DISC1: variants seen among roughly 807,000 people sequenced by gnomAD.
DISC1 encodes the protein DISC1 scaffold protein.
A neutral mutation model predicts 84.5 loss-of-function variants in DISC1; 57 were observed. The ratio of observed to expected loss-of-function variants is 0.67; its 90% CI spans 0.55 to 0.84. The LOEUF is 0.84. Among genes scored for constraint, DISC1 ranks in the 40% least tolerant of loss-of-function variants. The probability of loss-of-function intolerance (pLI) is 0.00; values close to 1 mark genes in which losing one functional copy is unlikely to be tolerated. For synonymous variants in DISC1, 411 were observed against 415.2 expected, an observed-to-expected ratio of 0.99 and a Z score of 0.12; for missense variants, 1,000 against 1,057.8, an observed-to-expected ratio of 0.95 and a Z score of 0.76.
chr1:231,859,273 A>G (rs367914229), intron 9 of DISC1, among the ~76,000 whole-genome samples: 1 of 152,038 alleles, frequency 6.6e-6, no homozygotes, highest in African/African-American at 2.4e-5. Flanking sequence ...ATCTTAGTCT[A>G]TTTGGGCTGC....
chr1:231,998,875 A>T (rs188725277), intron 10 of DISC1, among the ~76,000 whole-genome samples: 15 of 152,292 alleles, frequency 9.8e-5, no homozygotes, highest in Admixed American at 2.6e-4. Context: ...ATAGCCTCAA[A>T]ATATATATAT....
chr1:231,906,019 CTTTTTTTTTTTT>C (rs5781677), intron 9 of DISC1, among the ~76,000 whole-genome samples: 1 of 76,972 alleles, frequency 1.3e-5, no homozygotes, highest in Non-Finnish European at 2.4e-5. Flanking sequence ...GAGGTCATGG[CTTTTTTTTTTTT>C]TTTTTTTTTG....
chr1:232,037,698 G>T lies in DISC1; in HGVS notation c.*867G>T, dbSNP rs533386833. 1.9e-4 allele frequency: 29 copies of T among 151,084 alleles called. No homozygotes were observed. The highest frequency in any genetic ancestry group is 6.8e-4 in the African/African-American group (28 of 41,074). The allele number at this position is 151,084 out of a possible 1,614,324, so 9.4% of individuals were successfully genotyped here. A position where few individuals can be genotyped will look rare whatever the true frequency, so the allele number is the denominator to read the frequency against. ...CTCAGTAACACAATACAGTACTCAG[G>T]CAGTGCAGTACTCAGTAAGACAGTG... On this transcript the variant is annotated 3_prime_UTR_variant, in exon 13 of 13. Coordinates refer to ENST00000439617, the MANE Select transcript of DISC1 (RefSeq NM_018662.3).
rs114533879 is a variant in DISC1, at chr1:231,871,703, T to A, written c.1981+53186T>A. 4.6e-3 allele frequency among the ~76,000 whole-genome samples: 698 copies of A among 151,942 alleles called. 7 individuals are homozygous for A. The highest frequency in any genetic ancestry group is 0.016 in the African/African-American group (648 of 41,408). On this transcript the variant is annotated intron_variant, in intron 9 of 12. Transcript: ENST00000439617. ...CTCATGTGTGCCTGACTGTGGAGAG[T>A]GTGATTTTCCAGCAGTCTCTGGGTC...
intron 1 of DISC1, among the ~76,000 whole-genome samples, chr1:231,640,841 C>T (rs752482507): frequency 2.6e-5 from 4 of 152,184 alleles, no homozygotes; most frequent in Non-Finnish European, 5.9e-5. Flanking sequence ...GTGCCCCTCC[C>T]TGGTTTTTGA....
chr1:231,909,854 G>T (rs1054245249), intron 9 of DISC1, among the ~76,000 whole-genome samples: 2 of 152,130 alleles, frequency 1.3e-5, no homozygotes, highest in Admixed American at 6.5e-5. Flanking sequence ...CAATTTCAGA[G>T]CCTGTTATTG....
At chr1:231,671,419 T>C (rs2062607749) in intron 1 of DISC1, among the ~76,000 whole-genome samples, 1 of 152,156 alleles carries the variant, frequency 6.6e-6, no homozygotes, top group Non-Finnish European at 1.5e-5. Flanking sequence ...ATATTATGAA[T>C]GAACTGAGCA....
intron 12 of DISC1, among the ~76,000 whole-genome samples, chr1:232,033,288 T>C (rs1309983094): frequency 1.3e-5 from 2 of 152,226 alleles, no homozygotes; most frequent in African/African-American, 4.8e-5. Flanking sequence ...ATATATATGC[T>C]CTTGGTTGTA....
rs755089027 is a variant in DISC1, at chr1:231,770,933, G to T, written c.1497G>T (p.Trp499Cys). 4.3e-6 allele frequency: 7 copies of T among 1,614,066 alleles called. No individual in the cohort carries two copies. In the African/African-American group the frequency reaches 9.3e-5, roughly 22 times the overall value. Residue 499 changes from tryptophan (W) to cysteine (C), a missense_variant, in exon 6 of 13, where the codon TGG becomes TGT. Around this residue, in one of 3 missense-constraint regions of DISC1, gnomAD observed 311 missense variants for 400.1 expected, o/e 0.78. Transcript: ENST00000439617. ...AGGAGCAAGAGCAGCAACTCCAGTG[G>T]CAGGGCTGCGACCTGACCCCACTGG... ...EIEEQEQQLQ[W>C]QGCDLTPLVG...
intron 10 of DISC1, among the ~76,000 whole-genome samples, chr1:231,995,366 T>G (rs1665786024): frequency 6.6e-6 from 1 of 152,020 alleles, no homozygotes; most frequent in African/African-American, 2.4e-5. Context: ...ATACTTTAAG[T>G]TTTAGGATAC....
intron 3 of DISC1, among the ~76,000 whole-genome samples, chr1:231,733,076 A>G (rs1006834237): frequency 0.054 from 420 of 7,726 alleles, 1 homozygote; most frequent in Admixed American, 0.11. Context: ...TAGTGGTGGT[A>G]ATGGTAGAAG....
chr1:231,935,244 G>T (rs781660075), intron 9 of DISC1, among the ~76,000 whole-genome samples: 3 of 152,126 alleles, frequency 2.0e-5, no homozygotes, highest in Non-Finnish European at 4.4e-5. Flanking sequence ...GGGTGGGGTG[G>T]GTCCCCCGCA....
chr1:231,805,291 G>A (rs912064661), intron 8 of DISC1, among the ~76,000 whole-genome samples: 1 of 152,124 alleles, frequency 6.6e-6, no homozygotes. Context: ...ATATCAGTCC[G>A]TTCTCACACT....
chr1:232,001,210 C>G (rs963205578), intron 10 of DISC1, among the ~76,000 whole-genome samples: 1 of 152,160 alleles, frequency 6.6e-6, no homozygotes, highest in Admixed American at 6.5e-5. Context: ...TCCTGAGTAG[C>G]TGGAACTACA....
intron 9 of DISC1, among the ~76,000 whole-genome samples, chr1:231,903,874 G>A (rs2088404495): frequency 1.3e-5 from 2 of 152,238 alleles, no homozygotes; most frequent in Admixed American, 1.3e-4. Context: ...TAACAGAAGA[G>A]TCACGTGATC....
Position 232,031,254 on chromosome 1 carries a change from GAGAA to G in DISC1, c.2425+4710_2425+4713del, listed in dbSNP as rs892446353. ...GAGAGAAAGAGAGGAAGGAAGGAAG[GAGAA>G]AGAAAGATAAAGAAAGAAAAAGAAA... On this transcript the variant is annotated intron_variant, in intron 12 of 12. Transcript: ENST00000439617. This position sits in a 1 kb window ranked among gnomAD's most constrained non-coding sequence, Gnocchi z 4.6. Among the ~76,000 whole-genome samples the G allele has an allele frequency of 2.1e-5, 3 of 146,256 alleles. No individual in the cohort carries two copies. Among genetic ancestry groups the G allele is most frequent in the Non-Finnish European group, 3.0e-5 (2 of 66,392 alleles).
intron 1 of DISC1, among the ~76,000 whole-genome samples, chr1:231,657,439 GTGTC>G (rs1378716504): frequency 2.0e-5 from 3 of 151,762 alleles, no homozygotes; most frequent in African/African-American, 4.8e-5. Context: ...CTTTTGAAAA[GTGTC>G]TGATGATAGT....
intron 4 of DISC1, among the ~76,000 whole-genome samples, chr1:231,761,312 G>A (rs980074344): frequency 3.3e-5 from 5 of 152,192 alleles, no homozygotes; most frequent in Admixed American, 6.5e-5. Flanking sequence ...AATTTGCAGC[G>A]ACATCAGGGA....
intron 3 of DISC1, among the ~76,000 whole-genome samples, chr1:231,741,580 A>T (rs2073285101): frequency 6.6e-6 from 1 of 152,110 alleles, no homozygotes; most frequent in Non-Finnish European, 1.5e-5. Flanking sequence ...GAACATGTGG[A>T]GGTGAGGGTG....
Sources: allele counts gnomAD v4.1 joint callset (sites outside exome capture counted in the v4.1 genomes callset), GRCh38; gene constraint gnomAD v4.1.1; regional missense constraint gnomAD v4.1.1; non-coding constraint Gnocchi (gnomAD v3.1); transcripts MANE v1.5; gene names NCBI Gene and HGNC (gene_info 2026-07-23, HGNC 2026-07-21).